TTC34: variants seen among roughly 807,000 people sequenced by gnomAD.
The protein encoded by TTC34 is tetratricopeptide repeat domain 34.
In TTC34, 44 loss-of-function variants were observed where a neutral mutation model predicts 40.7. That is an observed-to-expected ratio of 1.08 (90% CI 0.85 to 1.39). TTC34 has a LOEUF of 1.39. Ranked by LOEUF, TTC34 falls within the 40% of genes most tolerant of loss-of-function variation. The pLI is 0.00. For missense variants in TTC34, 884 were observed against 838.0 expected (o/e 1.05, Z -0.68); for synonymous variants, 422 against 398.6 (o/e 1.06, Z -0.70).
chr1:2,795,295 G>C (rs1381399728), intron 2 of TTC34, among the ~76,000 whole-genome samples: 1 of 152,206 alleles, frequency 6.6e-6, no homozygotes, highest in Middle Eastern at 3.2e-3. Flanking sequence ...TTATTCCTCA[G>C]TTTGGGCTGG....
chr1:2,790,551 C>CGG (rs1370377189), intron 2 of TTC34, among the ~76,000 whole-genome samples: 1 of 152,180 alleles, frequency 6.6e-6, no homozygotes, highest in African/African-American at 2.4e-5. Context: ...CCATGAGCGA[C>CGG]GGGGCAGGTT....
At chr1:2,683,934 G>A (rs1273440131) in intron 6 of TTC34, among the ~76,000 whole-genome samples, 2 of 16,890 alleles carry the variant, frequency 1.2e-4, no homozygotes, top group Non-Finnish European at 2.7e-4. Context: ...GCATCTGATG[G>A]TCTGGAGCAG....
chr1:2,785,799 G>A lies in TTC34; in HGVS notation c.2059+20C>T, dbSNP rs1391349630. 7.8e-6 allele frequency: 12 copies of A among 1,540,422 alleles called. No individual in the cohort carries two copies. In the East Asian group the frequency reaches 2.2e-4, roughly 29 times the overall value. The stretch of plus-strand genomic sequence containing the variant: ...GCCTGGCACAAGACTGGGCCCTGGG[G>A]GCAGGTGGGCAGCTCCTACCTGCGG... On this transcript the variant is annotated intron_variant, in intron 5 of 8. Coordinates refer to ENST00000401095, the Ensembl canonical transcript of TTC34.
chr1:2,671,798 T>G (rs1639710666), intron 6 of TTC34, among the ~76,000 whole-genome samples: 2 of 148,538 alleles, frequency 1.3e-5, no homozygotes, highest in African/African-American at 2.6e-5. Flanking sequence ...CACACCGAGG[T>G]GAGCATCTGA....
chr1:2,683,146 C>G (rs1458607257), intron 6 of TTC34, among the ~76,000 whole-genome samples: 2 of 136,838 alleles, frequency 1.5e-5, no homozygotes, highest in Non-Finnish European at 3.2e-5. Context: ...GAACAGCACG[C>G]ACAGCCCCAG....
At chr1:2,692,255 G>A (rs1466789174) in intron 6 of TTC34, among the ~76,000 whole-genome samples, 1 of 76,192 alleles carries the variant, frequency 1.3e-5, no homozygotes, top group Non-Finnish European at 3.1e-5. Flanking sequence ...GCCTGGAGCA[G>A]CACCCACACC....
chr1:2,638,432 T>C (rs1295632604), exon 9 of TTC34: 2 of 152,224 alleles, frequency 1.3e-5, no homozygotes, highest in Non-Finnish European at 2.9e-5. Flanking sequence ...GAAATCTGGA[T>C]TTGCTGGCGG....
At chr1:2,654,872 C>T (rs1390567233) in intron 6 of TTC34, among the ~76,000 whole-genome samples, 3 of 149,120 alleles carry the variant, frequency 2.0e-5, no homozygotes, top group East Asian at 2.0e-4. Context: ...GAGGATCAGA[C>T]AGCCTGGAGC....
At chr1:2,746,433 AC>A (rs1163847452) in intron 6 of TTC34, among the ~76,000 whole-genome samples, 14 of 47,158 alleles carry the variant, frequency 3.0e-4, no homozygotes, top group African/African-American at 2.7e-3. Context: ...ACCCACAACC[AC>A]AGGTGAGCCT....
intron 6 of TTC34, among the ~76,000 whole-genome samples, chr1:2,697,683 CACCT>C (rs1640931003): frequency 3.5e-3 from 298 of 85,098 alleles, no homozygotes; most frequent in Admixed American, 4.7e-3. Context: ...ATGGCATCCT[CACCT>C]CCAGGTGAGC....
At chr1:2,683,326 TGACA>T (rs1640162782) in intron 6 of TTC34, among the ~76,000 whole-genome samples, 2 of 149,324 alleles carry the variant, frequency 1.3e-5, no homozygotes, top group African/African-American at 5.0e-5. Flanking sequence ...GGTGAGCATC[TGACA>T]GACTGGAACA....
intron 6 of TTC34, among the ~76,000 whole-genome samples, chr1:2,685,080 C>T (rs28410393): frequency 3.6e-5 from 5 of 138,802 alleles, no homozygotes; most frequent in African/African-American, 5.9e-5. Context: ...AGCCTGCACC[C>T]CCAGGTGTGC....
In TTC34 at chr1:2,645,590, C is replaced by T. The variant is rs1161039964; in HGVS notation, c.2227-27G>A. The T allele has an allele frequency of 6.9e-7, 1 of 1,443,790 alleles. No homozygotes were observed. The highest frequency in any genetic ancestry group is 9.1e-7 in the Non-Finnish European group (1 of 1,101,502). 89.4% of individuals were successfully genotyped at this position (1,443,790 alleles called of 1,614,324 possible). A position where few individuals can be genotyped will look rare whatever the true frequency, so the allele number is the denominator to read the frequency against. On this transcript the variant is annotated intron_variant, in intron 6 of 8. Coordinates refer to ENST00000401095, the Ensembl canonical transcript of TTC34. The surrounding 1 kb of genome is among the most constrained non-coding windows in gnomAD (Gnocchi z 4.7). ...TGCAAGGAGGGAGGGCGGGCGGGTG[C>T]AGAGTTGTCCTAAGTAGAGAAACTG...
intron 6 of TTC34, among the ~76,000 whole-genome samples, chr1:2,749,541 AACGCAAATAGCAGCACCCACAC>A (rs1641249610): frequency 1.7e-5 from 1 of 57,192 alleles, no homozygotes; most frequent in Admixed American, 1.6e-4. Context: ...CAAGCATCTG[AACGCAAATAGCAGCACCCACAC>A]CCCCAGGCGA....
At chr1:2,683,443 GCATCC>G (rs1640171508) in intron 6 of TTC34, among the ~76,000 whole-genome samples, 1 of 95,062 alleles carries the variant, frequency 1.1e-5, no homozygotes. Flanking sequence ...CCCCAGGTGA[GCATCC>G]GACAGCCTGG....
chr1:2,641,972 T>G, intron 8 of TTC34, 77 bp from the exon 9 acceptor site: 1 of 1,358,556 alleles, frequency 7.4e-7, no homozygotes, highest in Non-Finnish European at 9.7e-7. Context: ...CCTGCAGAGG[T>G]CCTCTGCACA....
At chr1:2,660,810 C>T (rs1277050885) in intron 6 of TTC34, among the ~76,000 whole-genome samples, 13 of 90,406 alleles carry the variant, frequency 1.4e-4, no homozygotes, top group East Asian at 3.8e-4. Context: ...GAGCATCTGA[C>T]AGCCTGGAAC....
At chr1:2,697,814 TGAGGA>T (rs1640939746) in intron 6 of TTC34, among the ~76,000 whole-genome samples, 1 of 143,466 alleles carries the variant, frequency 7.0e-6, no homozygotes, top group Admixed American at 7.0e-5. Flanking sequence ...CACCCCCGGG[TGAGGA>T]TCAGACAGCC....
chr1:2,777,698 G>GGC (rs1643315083), intron 6 of TTC34, among the ~76,000 whole-genome samples: 3 of 150,862 alleles, frequency 2.0e-5, no homozygotes, highest in Non-Finnish European at 4.4e-5. Flanking sequence ...TGGGGGGGGG[G>GGC]GCGCAGCATC....
Sources: gnomAD v4.1 joint callset for allele counts (sites outside exome capture counted in the v4.1 genomes callset) on GRCh38, gnomAD v4.1.1 for gene constraint, Gnocchi (gnomAD v3.1) non-coding constraint, MANE v1.5 for transcripts, NCBI Gene and HGNC (gene_info 2026-07-23, HGNC 2026-07-21) for gene names.